The following NXPH1 variants were observed in gnomAD, a reference collection of about 807,000 sequenced individuals.
The protein encoded by NXPH1 is neurexophilin-1.
NXPH1 carries 5 observed loss-of-function variants against 23.7 expected under a neutral mutation model. The ratio of observed to expected loss-of-function variants is 0.21; its 90% CI spans 0.11 to 0.44. The LOEUF is 0.44. Among genes scored for constraint, NXPH1 ranks in the 20% least tolerant of loss-of-function variants. The pLI is 0.99. For synonymous variants in NXPH1, 144 were observed against 122.2 expected, an observed-to-expected ratio of 1.18 and a Z score of -1.18; for missense variants, 324 against 321.6, an observed-to-expected ratio of 1.01 and a Z score of -0.06.
chr7:8,457,437 G>C (rs143260207), intron 2 of NXPH1, among the ~76,000 whole-genome samples: 128 of 152,208 alleles, frequency 8.4e-4, no homozygotes, highest in African/African-American at 2.9e-3. Flanking sequence ...GTGACAGCTA[G>C]GCCTGGAGGC....
chr7:8,635,044 G>C (rs1422403025), intron 2 of NXPH1, among the ~76,000 whole-genome samples: 2 of 152,102 alleles, frequency 1.3e-5, no homozygotes, highest in African/African-American at 4.8e-5. Flanking sequence ...TTGAACAATA[G>C]CTATCTCTAA....
intron 2 of NXPH1, among the ~76,000 whole-genome samples, chr7:8,607,085 C>T (rs1170509680): frequency 1.3e-5 from 2 of 151,956 alleles, no homozygotes; most frequent in African/African-American, 2.4e-5. Context: ...CGGTTGGACT[C>T]ATATATATCC....
intron 2 of NXPH1, among the ~76,000 whole-genome samples, chr7:8,464,463 C>T (rs553930036): frequency 6.6e-6 from 1 of 152,254 alleles, no homozygotes; most frequent in East Asian, 1.9e-4. Context: ...AGTCTTTTTA[C>T]CCCACTACAC....
intron 2 of NXPH1, among the ~76,000 whole-genome samples, chr7:8,721,404 C>G (rs189968747): frequency 1.3e-5 from 2 of 152,042 alleles, no homozygotes; most frequent in Non-Finnish European, 2.9e-5. Context: ...AATCTAAATA[C>G]GTTTTTGTGC....
At chr7:8,607,217 A>G (rs1819513564) in intron 2 of NXPH1, among the ~76,000 whole-genome samples, 1 of 152,170 alleles carries the variant, frequency 6.6e-6, no homozygotes. Flanking sequence ...CCTATCCATA[A>G]TTAATACAGT....
intron 2 of NXPH1, among the ~76,000 whole-genome samples, chr7:8,610,418 G>A (rs1819591790): frequency 6.6e-6 from 1 of 152,004 alleles, no homozygotes; most frequent in African/African-American, 2.4e-5. Context: ...TTCTATCACA[G>A]GACGTGTTAG....
chr7:8,699,115 A>G lies in NXPH1; in HGVS notation c.55-51893A>G, dbSNP rs141838754. ...TTTTTTGGTCCATTATATGATGAAC[A>G]AAATCTGATTGTGGTTTCTTTTCAC... On this transcript the variant is annotated intron_variant, in intron 2 of 2. Coordinates refer to ENST00000405863, the MANE Select transcript of NXPH1 (RefSeq NM_152745.3). Among the ~76,000 whole-genome samples the G allele has an allele frequency of 4.2e-3, 632 of 152,258 alleles. 8 individuals carry two copies. Among genetic ancestry groups the G allele is most frequent in the East Asian group, 0.016 (84 of 5,180 alleles).
chr7:8,489,202 A>G lies in NXPH1; in HGVS notation c.54+53435A>G, dbSNP rs545282525. On this transcript the variant is annotated intron_variant, in intron 2 of 2. Coordinates refer to ENST00000405863, the MANE Select transcript of NXPH1 (RefSeq NM_152745.3). ...CCACGTGCTGGGGAAGATTCGGCCT[A>G]TCTAGGGATGTTCTCTTCCTTCTTC... 6.6e-5 allele frequency among the ~76,000 whole-genome samples: 10 copies of G among 152,208 alleles called. No individual in the cohort carries two copies. In the South Asian group the frequency reaches 1.9e-3, roughly 28 times the overall value.
intron 2 of NXPH1, among the ~76,000 whole-genome samples, chr7:8,707,708 C>T (rs1487894194): frequency 6.6e-6 from 1 of 152,100 alleles, no homozygotes; most frequent in Admixed American, 6.5e-5. Context: ...ATTCAAAGGC[C>T]TAACTCTAGG....
At chr7:8,726,566 A>G (rs1780057794) in intron 2 of NXPH1, among the ~76,000 whole-genome samples, 1 of 141,778 alleles carries the variant, frequency 7.1e-6, no homozygotes, top group African/African-American at 2.6e-5. Flanking sequence ...ATTCCCACCT[A>G]TGAGTGAGAA....
rs138130591 is a variant in NXPH1 at position 8,458,111 on chromosome 7, A to G, written c.54+22344A>G. On this transcript the variant is annotated intron_variant, in intron 2 of 2. Coordinates refer to ENST00000405863, the MANE Select transcript of NXPH1 (RefSeq NM_152745.3). ...AAAATAAAATGTTAGTGCTAGTGCAATTGAGATTTAATCTGATTGCATATA... is the reference window on the plus strand; with the variant it reads ...AAAATAAAATGTTAGTGCTAGTGCAGTTGAGATTTAATCTGATTGCATATA... 3.8e-3 allele frequency among the ~76,000 whole-genome samples: 572 copies of G among 152,376 alleles called. 3 individuals carry two copies. The highest frequency in any genetic ancestry group is 0.013 in the African/African-American group (535 of 41,598).
chr7:8,728,394 AG>A (rs1780093220), intron 2 of NXPH1, among the ~76,000 whole-genome samples: 1 of 152,140 alleles, frequency 6.6e-6, no homozygotes, highest in South Asian at 2.1e-4. Context: ...GAGTGGTGAG[AG>A]AGGGCATCCC....
rs534011518 is a variant in NXPH1, at chr7:8,695,658, T to A, written c.55-55350T>A. Among the ~76,000 whole-genome samples, 3 of 152,354 alleles carry A rather than the reference T, an allele frequency of 2.0e-5. No homozygotes were observed. In the East Asian group the frequency reaches 5.8e-4, roughly 29 times the overall value. ...TATTTCTTGGTTCTGGTCTTCCAACTTAACTTCTAATATACTAAGTATTTT... is the reference window on the plus strand; with the variant it reads ...TATTTCTTGGTTCTGGTCTTCCAACATAACTTCTAATATACTAAGTATTTT... On this transcript the variant is annotated intron_variant, in intron 2 of 2. Coordinates refer to ENST00000405863, the MANE Select transcript of NXPH1 (RefSeq NM_152745.3).
intron 2 of NXPH1, among the ~76,000 whole-genome samples, chr7:8,694,169 G>A (rs1157178186): frequency 6.6e-6 from 1 of 152,102 alleles, no homozygotes; most frequent in African/African-American, 2.4e-5. Flanking sequence ...ACATTCTTGT[G>A]GATCATTTCC....
intron 2 of NXPH1, among the ~76,000 whole-genome samples, chr7:8,504,604 G>A (rs112179560): frequency 3.9e-5 from 6 of 152,136 alleles, no homozygotes; most frequent in African/African-American, 1.4e-4. Flanking sequence ...GGAGAACAAG[G>A]CCTATCAGAG....
rs188871487 is a variant in NXPH1 at position 8,467,216 on chromosome 7, A to G, written c.54+31449A>G. 2.7e-3 allele frequency among the ~76,000 whole-genome samples: 416 copies of G among 152,308 alleles called. 2 individuals are homozygous for G. Among genetic ancestry groups the G allele is most frequent in the Non-Finnish European group, 5.1e-3 (346 of 68,022 alleles). ...TTTTTCTGATAATGATACTTAAAGT[A>G]TGCCCAAGTTTAACTAAAATCTGGT... On this transcript the variant is annotated intron_variant, in intron 2 of 2. Transcript: ENST00000405863.
intron 2 of NXPH1, among the ~76,000 whole-genome samples, chr7:8,493,509 A>G (rs1175211187): frequency 1.3e-5 from 2 of 152,086 alleles, no homozygotes; most frequent in African/African-American, 4.8e-5. Context: ...TCCTGCTAGA[A>G]TGAGAGAACA....
chr7:8,480,028 G>A (rs962709852), intron 2 of NXPH1, among the ~76,000 whole-genome samples: 14 of 152,036 alleles, frequency 9.2e-5, no homozygotes, highest in African/African-American at 3.4e-4. Context: ...GTATACAAGT[G>A]ATAAAACTAT....
At chr7:8,743,900 G>T (rs973618612) in intron 2 of NXPH1, among the ~76,000 whole-genome samples, 2 of 151,940 alleles carry the variant, frequency 1.3e-5, no homozygotes, top group Non-Finnish European at 2.9e-5. Flanking sequence ...TAGCCAGGAT[G>T]GTCTCTACCT....
Sources: allele counts gnomAD v4.1 joint callset (sites outside exome capture counted in the v4.1 genomes callset), GRCh38; gene constraint gnomAD v4.1.1; transcripts MANE v1.5; gene names NCBI Gene and HGNC (gene_info 2026-07-23, HGNC 2026-07-21).